The following ZBTB20 variants were observed in gnomAD, a reference collection of about 807,000 sequenced individuals.
The protein encoded by ZBTB20 is zinc finger and BTB domain-containing protein 20.
ZBTB20 carries 9 observed loss-of-function variants against 56.9 expected under a neutral mutation model. The observed-to-expected ratio is 0.16, with a 90% CI of 0.10 to 0.28. ZBTB20 has a LOEUF of 0.28. Among genes scored for constraint, ZBTB20 ranks in the 10% least tolerant of loss-of-function variants. ZBTB20 has a pLI of 1.00. For missense variants in ZBTB20, 655 were observed against 1,003.0 expected, an observed-to-expected ratio of 0.65 and a Z score of 4.69; for synonymous variants, 417 against 420.7, an observed-to-expected ratio of 0.99 and a Z score of 0.11.
At chr3:114,957,469 T>G (rs1338093773) in intron 3 of ZBTB20, among the ~76,000 whole-genome samples, 1 of 152,200 alleles carries the variant, frequency 6.6e-6, no homozygotes, top group Non-Finnish European at 1.5e-5. Context: ...ATGATTTAAA[T>G]GCATTTATCT....
chr3:114,524,719 AT>A (rs1473284847), intron 6 of ZBTB20, among the ~76,000 whole-genome samples: 1 of 151,060 alleles, frequency 6.6e-6, no homozygotes, highest in African/African-American at 2.4e-5. Context: ...AGAATTTCCA[AT>A]TTTTTTTTCT....
In ZBTB20 at chr3:114,844,768, T is replaced by C. The variant is rs1284884409; in HGVS notation, c.-416-43594A>G. 2.6e-5 allele frequency among the ~76,000 whole-genome samples: 4 copies of C among 151,144 alleles called. No homozygotes were observed. In the East Asian group the frequency reaches 5.8e-4, roughly 22 times the overall value. Reference sequence around the variant, plus strand: ...GTCAGTCATTCTAAAGGATGTGTAATAGTGTCTCATGATTTTAATTTGCCT... The same window carrying C: ...GTCAGTCATTCTAAAGGATGTGTAACAGTGTCTCATGATTTTAATTTGCCT... On this transcript the variant is annotated intron_variant, in intron 4 of 11. Coordinates refer to ENST00000675478, the MANE Select transcript of ZBTB20 (RefSeq NM_001348800.3).
intron 6 of ZBTB20, among the ~76,000 whole-genome samples, chr3:114,692,493 T>A (rs1287177254): frequency 1.3e-5 from 2 of 152,152 alleles, no homozygotes; most frequent in Admixed American, 6.5e-5. Context: ...TTATGCACGT[T>A]CATATAAAGC....
At chr3:115,008,400 T>C (rs774316153) in intron 2 of ZBTB20, among the ~76,000 whole-genome samples, 2 of 151,864 alleles carry the variant, frequency 1.3e-5, no homozygotes, top group Admixed American at 1.3e-4. Context: ...TAGGAGAAAA[T>C]ATGTTTCTAT....
intron 7 of ZBTB20, among the ~76,000 whole-genome samples, chr3:114,446,535 T>G (rs1178355397): frequency 1.3e-5 from 2 of 152,152 alleles, no homozygotes; most frequent in Non-Finnish European, 2.9e-5. Flanking sequence ...AAAACTCAGA[T>G]TTTCTGCTTT....
chr3:115,049,962 T>C (rs909830490), intron 2 of ZBTB20, among the ~76,000 whole-genome samples: 28 of 152,104 alleles, frequency 1.8e-4, no homozygotes, highest in Admixed American at 1.4e-3. Flanking sequence ...GATTTAAATA[T>C]GCCTTTCAAA....
chr3:115,100,651 C>G (rs2083554760), intron 1 of ZBTB20: 1 of 152,184 alleles, frequency 6.6e-6, no homozygotes, highest in African/African-American at 2.4e-5. Flanking sequence ...CTGGCTCCAC[C>G]TTCTTTATTT....
intron 5 of ZBTB20, among the ~76,000 whole-genome samples, chr3:114,740,421 C>T (rs2066491070): frequency 6.6e-6 from 1 of 152,090 alleles, no homozygotes; most frequent in South Asian, 2.1e-4. Flanking sequence ...CACAAACAAA[C>T]ACATGCATCA....
rs996148938 is a variant in ZBTB20 at position 115,132,075 on chromosome 3, A to G, written c.-703+15144T>C. Among the ~76,000 whole-genome samples the G allele has an allele frequency of 4.6e-5, 7 of 150,824 alleles. No individual in the cohort carries two copies. The East Asian group carries it at 1.4e-3, about 29-fold the overall frequency. The stretch of plus-strand genomic sequence containing the variant: ...AATAACACTGTTGACTTCAAAAAAG[A>G]AAAAAAAATCTCCCAAGATTCTAAT... On this transcript the variant is annotated intron_variant, in intron 1 of 11. Transcript: ENST00000675478.
At chr3:114,544,436 T>A (rs1273424915) in intron 6 of ZBTB20, among the ~76,000 whole-genome samples, 1 of 99,168 alleles carries the variant, frequency 1.0e-5, no homozygotes, top group Non-Finnish European at 2.1e-5. Flanking sequence ...TTTCTTTCTT[T>A]CTTTCTTTCT....
chr3:114,817,754 G>A (rs2073024135), intron 4 of ZBTB20, among the ~76,000 whole-genome samples: 1 of 151,864 alleles, frequency 6.6e-6, no homozygotes, highest in East Asian at 1.9e-4. Context: ...GCAGAAAATT[G>A]GTTCTCAATA....
At chr3:114,462,756 T>C (rs2092387304) in intron 7 of ZBTB20, among the ~76,000 whole-genome samples, 1 of 152,212 alleles carries the variant, frequency 6.6e-6, no homozygotes, top group Admixed American at 6.5e-5. Flanking sequence ...ATGATTTTCA[T>C]GGAAAATCAT....
At position 114,314,802 on chromosome 3, in the gene ZBTB20, T is replaced by C. The variant is rs2078616531; in HGVS notation, c.*24203A>G. On this transcript the variant is annotated 3_prime_UTR_variant, in exon 12 of 12. Coordinates refer to ENST00000675478, the MANE Select transcript of ZBTB20 (RefSeq NM_001348800.3). ...TGTCACAATAATAATAATAATATAA[T>C]AGTATAATGAAGCGCTACAGTTAAT... 1 of 151,982 alleles carries C rather than the reference T, an allele frequency of 6.6e-6. No individual in the cohort carries two copies. Among genetic ancestry groups the C allele is most frequent in the Non-Finnish European group, 1.5e-5 (1 of 67,978 alleles). 9.4% of individuals were successfully genotyped at this position (151,982 alleles called of 1,614,324 possible).
chr3:114,499,801 A>G (rs953493185), intron 7 of ZBTB20, among the ~76,000 whole-genome samples: 5 of 151,854 alleles, frequency 3.3e-5, no homozygotes, highest in South Asian at 2.1e-4. Flanking sequence ...ACCTTCTGGC[A>G]CACGTGAATC....
In ZBTB20 at chr3:114,339,558, T is replaced by G; in HGVS notation, c.1805-132A>C. On this transcript the variant is annotated intron_variant, in intron 11 of 11. Coordinates refer to ENST00000675478, the MANE Select transcript of ZBTB20 (RefSeq NM_001348800.3). This position sits in a 1 kb window ranked among gnomAD's most constrained non-coding sequence, Gnocchi z 4.2. ...TAAAAAATAAAATTTGATTGCTTAA[T>G]GGATCATCCTCGTTTGGAAAAATCC... The G allele has an allele frequency of 8.8e-7, 1 of 1,137,538 alleles. No individual in the cohort carries two copies. Among genetic ancestry groups the G allele is most frequent in the Non-Finnish European group, 1.2e-6 (1 of 830,306 alleles). The allele number at this position is 1,137,538 out of a possible 1,614,324, so 70.5% of individuals were successfully genotyped here.
Position 114,324,981 on chromosome 3 carries a change from C to A in ZBTB20, c.*14024G>T, listed in dbSNP as rs966433756. The A allele has an allele frequency of 2.6e-5, 4 of 152,048 alleles. No homozygotes were observed. The highest frequency in any genetic ancestry group is 4.8e-5 in the African/African-American group (2 of 41,390). The allele number at this position is 152,048 out of a possible 1,614,324, so 9.4% of individuals were successfully genotyped here. On this transcript the variant is annotated 3_prime_UTR_variant, in exon 12 of 12. Transcript: ENST00000675478. The stretch of plus-strand genomic sequence containing the variant: ...GGAAAGGAATTAAGCATAGTGGGGT[C>A]AGCACACTCAAATTACCTTAAAATA...
intron 6 of ZBTB20, among the ~76,000 whole-genome samples, chr3:114,598,687 G>A (rs9865040): frequency 0.29 from 44,455 of 151,766 alleles, 7,168 homozygotes; most frequent in African/African-American, 0.41. Context: ...GAGTGGTAAG[G>A]TTATGAGGAA....
intron 1 of ZBTB20, among the ~76,000 whole-genome samples, chr3:115,076,554 A>G (rs922457084): frequency 2.0e-5 from 3 of 152,188 alleles, no homozygotes; most frequent in African/African-American, 7.2e-5. Context: ...CTCAACATCG[A>G]TTAAAGACTT....
intron 6 of ZBTB20, among the ~76,000 whole-genome samples, chr3:114,643,511 T>C (rs1231671603): frequency 2.0e-5 from 3 of 152,116 alleles, no homozygotes; most frequent in African/African-American, 7.2e-5. Context: ...GAATGCATTT[T>C]GGCAAAGAGT....
Sources: gnomAD v4.1 joint callset for allele counts (sites outside exome capture counted in the v4.1 genomes callset) on GRCh38, gnomAD v4.1.1 for gene constraint, Gnocchi (gnomAD v3.1) non-coding constraint, MANE v1.5 for transcripts, NCBI Gene and HGNC (gene_info 2026-07-23, HGNC 2026-07-21) for gene names.